CLCN3: variants seen among roughly 807,000 people sequenced by gnomAD.
The protein encoded by CLCN3 is H(+)/Cl(-) exchange transporter 3.
A neutral mutation model predicts 83.4 loss-of-function variants in CLCN3; 16 were observed. That is an observed-to-expected ratio of 0.19 (90% CI 0.13 to 0.29). The LOEUF (loss-of-function observed/expected upper bound fraction) is 0.29. Ranked by LOEUF, CLCN3 falls within the 10% of genes least tolerant of loss-of-function variation. The pLI is 1.00. For missense variants in CLCN3, 544 were observed against 1,006.0 expected (o/e 0.54, Z 6.21); for synonymous variants, 322 against 346.2 (o/e 0.93, Z 0.78).
Position 169,662,208 on chromosome 4 carries a change from T to C in CLCN3, c.161-17842T>C, listed in dbSNP as rs150430334. Among the ~76,000 whole-genome samples the C allele has an allele frequency of 2.8e-3, 429 of 152,318 alleles. 11 individuals carry two copies. In the East Asian group the frequency reaches 0.062, roughly 22 times the overall value. ...TATTATACTTTCATAAATAATCCTTTAAGAATCTTGCTTAGGATCTAAATC... is the reference window on the plus strand; with the variant it reads ...TATTATACTTTCATAAATAATCCTTCAAGAATCTTGCTTAGGATCTAAATC... On this transcript the variant is annotated intron_variant, in intron 2 of 12. Coordinates refer to ENST00000513761, the MANE Select transcript of CLCN3 (RefSeq NM_001829.4).
chr4:169,662,118 A>G (rs1207350066), intron 2 of CLCN3, among the ~76,000 whole-genome samples: 1 of 152,170 alleles, frequency 6.6e-6, no homozygotes, highest in Non-Finnish European at 1.5e-5. Context: ...AATAAGAAAT[A>G]AGTCAAAACT....
intron 2 of CLCN3, among the ~76,000 whole-genome samples, chr4:169,653,707 G>A (rs970985328): frequency 8.6e-5 from 13 of 151,744 alleles, no homozygotes; most frequent in Admixed American, 7.2e-4. Flanking sequence ...CATAGTGCTG[G>A]CATTTGCTTC....
intron 2 of CLCN3, among the ~76,000 whole-genome samples, chr4:169,661,483 TA>T (rs1163066252): frequency 6.6e-6 from 1 of 152,180 alleles, no homozygotes; most frequent in Non-Finnish European, 1.5e-5. Flanking sequence ...CACTATAATT[TA>T]AACATTATAA....
chr4:169,658,661 C>T (rs936213674), intron 2 of CLCN3, among the ~76,000 whole-genome samples: 3 of 151,926 alleles, frequency 2.0e-5, no homozygotes, highest in African/African-American at 7.3e-5. Flanking sequence ...ACTATTGGCT[C>T]AGTGTGCAGG....
rs1020415711 is a variant in CLCN3, at chr4:169,721,564, T to C, written c.*1567T>C. 1 of 152,186 alleles carries C rather than the reference T, an allele frequency of 6.6e-6. No individual in the cohort carries two copies. The highest frequency in any genetic ancestry group is 2.1e-4 in the South Asian group (1 of 4,832). 9.4% of individuals were successfully genotyped at this position (152,186 alleles called of 1,614,324 possible). A position where few individuals can be genotyped will look rare whatever the true frequency, so the allele number is the denominator to read the frequency against. Reference sequence around the variant, plus strand: ...AATCAAACCAAAAATGTGAAAACAATAGAATTGCAAAGATAGCAGTTAAAA... The same window carrying C: ...AATCAAACCAAAAATGTGAAAACAACAGAATTGCAAAGATAGCAGTTAAAA... On this transcript the variant is annotated 3_prime_UTR_variant, in exon 13 of 13. Coordinates refer to ENST00000513761, the MANE Select transcript of CLCN3 (RefSeq NM_001829.4).
intron 2 of CLCN3, among the ~76,000 whole-genome samples, chr4:169,654,927 TTAAG>T (rs1730837686): frequency 1.3e-5 from 2 of 152,236 alleles, no homozygotes; most frequent in Non-Finnish European, 2.9e-5. Context: ...TTTGTTTCTA[TTAAG>T]TATTTTAAAA....
intron 2 of CLCN3, among the ~76,000 whole-genome samples, chr4:169,649,364 A>G (rs911254445): frequency 2.2e-4 from 33 of 152,234 alleles, no homozygotes; most frequent in African/African-American, 8.0e-4. Context: ...TTTTGAATCA[A>G]GGGAATCATA....
chr4:169,695,383 A>AT (rs918226849), intron 7 of CLCN3, among the ~76,000 whole-genome samples: 2 of 152,022 alleles, frequency 1.3e-5, no homozygotes, highest in African/African-American at 4.8e-5. Flanking sequence ...TCTGGCAAAA[A>AT]TTTTTTTTAA....
Position 169,687,761 on chromosome 4 carries a change from A to C in CLCN3, c.418+4A>C. The C allele has an allele frequency of 1.3e-6, 2 of 1,526,538 alleles. No homozygotes were observed. Among genetic ancestry groups the C allele is most frequent in the Non-Finnish European group, 1.8e-6 (2 of 1,125,238 alleles). 94.6% of individuals were successfully genotyped at this position (1,526,538 alleles called of 1,614,324 possible). ...ACACTAACAGGATTGGCATCAGGTA[A>C]AGAAAATTTTTCAAGCAATCCTTTT... On this transcript the variant is annotated splice_donor_region_variant and intron_variant, in intron 4 of 12. Coordinates refer to ENST00000513761, the MANE Select transcript of CLCN3 (RefSeq NM_001829.4).
At chr4:169,656,586 G>A (rs1400636249) in intron 2 of CLCN3, among the ~76,000 whole-genome samples, 1 of 152,170 alleles carries the variant, frequency 6.6e-6, no homozygotes, top group Non-Finnish European at 1.5e-5. Context: ...CAACCATACT[G>A]ATGGATTGTA....
At chr4:169,672,219 A>ATGAT (rs1232172441) in intron 2 of CLCN3, among the ~76,000 whole-genome samples, 3 of 10,710 alleles carry the variant, frequency 2.8e-4, no homozygotes, top group African/African-American at 1.1e-3. Context: ...CTCAAAATAA[A>ATGAT]TGATAGATAG....
intron 1 of CLCN3, among the ~76,000 whole-genome samples, chr4:169,634,181 A>G (rs1444966342): frequency 6.6e-6 from 1 of 152,120 alleles, no homozygotes; most frequent in African/African-American, 2.4e-5. Flanking sequence ...AATGGAGGAG[A>G]TATATTGGAA....
intron 9 of CLCN3, among the ~76,000 whole-genome samples, chr4:169,698,224 C>T (rs1048857135): frequency 2.0e-5 from 3 of 152,150 alleles, no homozygotes; most frequent in African/African-American, 7.2e-5. Flanking sequence ...AAGCATTTAT[C>T]CCTTGTGTTA....
intron 5 of CLCN3, 67 bp from the exon 6 acceptor site, chr4:169,690,463 T>G: frequency 6.6e-7 from 1 of 1,520,664 alleles, no homozygotes; most frequent in Non-Finnish European, 8.9e-7. Flanking sequence ...AAGTTTCTTA[T>G]GACAAGCATT....
In CLCN3 at chr4:169,721,232, C is replaced by G. The variant is rs1393940225; in HGVS notation, c.*1235C>G. 2 of 152,000 alleles carry G rather than the reference C, an allele frequency of 1.3e-5. No homozygotes were observed. Among genetic ancestry groups the G allele is most frequent in the Non-Finnish European group, 2.9e-5 (2 of 68,006 alleles). 9.4% of individuals were successfully genotyped at this position (152,000 alleles called of 1,614,324 possible). A position where few individuals can be genotyped will look rare whatever the true frequency, so the allele number is the denominator to read the frequency against. ...AAAATACAGATCAGTTAATATTGCACTTAAGTAATTTTACCTTTTTAATGT... is the reference window on the plus strand; with the variant it reads ...AAAATACAGATCAGTTAATATTGCAGTTAAGTAATTTTACCTTTTTAATGT... On this transcript the variant is annotated 3_prime_UTR_variant, in exon 13 of 13. Coordinates refer to ENST00000513761, the MANE Select transcript of CLCN3 (RefSeq NM_001829.4).
At chr4:169,717,275 C>A (rs11939461) in intron 12 of CLCN3, among the ~76,000 whole-genome samples, 34 of 152,138 alleles carry the variant, frequency 2.2e-4, no homozygotes, top group Non-Finnish European at 4.4e-4. Flanking sequence ...ATTTAGTGCA[C>A]ATTGCCTTTA....
At chr4:169,650,646 G>A (rs1328908824) in intron 2 of CLCN3, among the ~76,000 whole-genome samples, 1 of 152,130 alleles carries the variant, frequency 6.6e-6, no homozygotes, top group Non-Finnish European at 1.5e-5. Context: ...TTGGGAAAAG[G>A]TCAGAGCTCT....
At chr4:169,709,461 A>C (rs2150270163) in intron 11 of CLCN3, among the ~76,000 whole-genome samples, 1 of 152,158 alleles carries the variant, frequency 6.6e-6, no homozygotes, top group East Asian at 1.9e-4. Context: ...AAGCAGGTGG[A>C]TCACTTGAGG....
At chr4:169,646,348 T>G (rs997313446) in intron 2 of CLCN3, among the ~76,000 whole-genome samples, 1 of 152,132 alleles carries the variant, frequency 6.6e-6, no homozygotes, top group Non-Finnish European at 1.5e-5. Context: ...CTGGTGATAT[T>G]TTGGCTCACT....
Sources: gnomAD v4.1 joint callset for allele counts (sites outside exome capture counted in the v4.1 genomes callset) on GRCh38, gnomAD v4.1.1 for gene constraint, MANE v1.5 for transcripts, NCBI Gene and HGNC (gene_info 2026-07-23, HGNC 2026-07-21) for gene names.